The following SIK3 variants were observed in gnomAD, a reference collection of about 807,000 sequenced individuals.
SIK3 encodes the protein serine/threonine-protein kinase SIK3.
A neutral mutation model predicts 144.2 loss-of-function variants in SIK3; 28 were observed. The ratio of observed to expected loss-of-function variants is 0.19; its 90% CI spans 0.14 to 0.27. The LOEUF is 0.27. SIK3 is among the 10% of genes least tolerant of loss of function. SIK3 has a pLI of 1.00. For synonymous variants in SIK3, 686 were observed against 676.3 expected, an observed-to-expected ratio of 1.01 and a Z score of -0.22; for missense variants, 1,319 against 1,776.0, an observed-to-expected ratio of 0.74 and a Z score of 4.62.
At chr11:116,963,750 A>G (rs1949430089) in intron 1 of SIK3, among the ~76,000 whole-genome samples, 1 of 152,148 alleles carries the variant, frequency 6.6e-6, no homozygotes, top group Non-Finnish European at 1.5e-5. Flanking sequence ...TAGTCACTCA[A>G]TTTTCTTTTC....
rs780195282 is a variant in SIK3 at position 117,098,222 on chromosome 11, T to C, written c.194A>G (p.Tyr65Cys). The change falls in exon 1 of 25, where the codon TAC becomes TGC. Residue 65 changes from tyrosine (Y) to cysteine (C), a missense_variant. Tyr to Cys is a radical substitution (Grantham distance 194). This residue lies in a region of SIK3 where 114 missense variants were observed against 116.2 expected (regional missense o/e 0.98). Transcript: ENST00000445177. ...SRGPMPARIG[Y>C]YEIDRTIGKG... ...GCCGATGGTGCGGTCGATCTCGTAG[T>C]AGCCGATACGGGCGGGCATGGGTCC... 2.7e-6 allele frequency: 4 copies of C among 1,503,464 alleles called. No individual in the cohort carries two copies. Among genetic ancestry groups the C allele is most frequent in the East Asian group, 5.8e-5 (2 of 34,342 alleles). The allele number at this position is 1,503,464 out of a possible 1,614,324, so 93.1% of individuals were successfully genotyped here. A position where few individuals can be genotyped will look rare whatever the true frequency, so the allele number is the denominator to read the frequency against.
chr11:117,046,179 C>T (rs1375761982), intron 1 of SIK3, among the ~76,000 whole-genome samples: 1 of 152,194 alleles, frequency 6.6e-6, no homozygotes, highest in Non-Finnish European at 1.5e-5. Flanking sequence ...GCTAAACTAC[C>T]ACTCAAGGGT....
intron 1 of SIK3, among the ~76,000 whole-genome samples, chr11:117,043,944 T>C (rs982503158): frequency 1.3e-5 from 2 of 152,246 alleles, no homozygotes; most frequent in African/African-American, 4.8e-5. Context: ...TGCCCCAGTA[T>C]AGTTCTGACT....
chr11:116,910,738 G>A (rs1452569635), intron 4 of SIK3, among the ~76,000 whole-genome samples: 1 of 152,016 alleles, frequency 6.6e-6, no homozygotes, highest in East Asian at 1.9e-4. Flanking sequence ...GATGAAGAGT[G>A]CTAGCAGGCC....
chr11:116,858,543 G>A lies in SIK3; in HGVS notation c.2922C>T (p.Asp974=). 6.2e-7 allele frequency: 1 copy of A among 1,613,750 alleles called. No homozygotes were observed. The highest frequency in any genetic ancestry group is 8.5e-7 in the Non-Finnish European group (1 of 1,179,902). The change falls in exon 21 of 25, where the codon GAC becomes GAT. Residue 974 remains aspartate (D), a synonymous_variant. Coordinates refer to ENST00000445177, the MANE Select transcript of SIK3 (RefSeq NM_001366686.3). The surrounding 1 kb of genome is among the most constrained non-coding windows in gnomAD (Gnocchi z 5.4). ...CACTGGGAGGGAAGGTGGGGAATTG[G>A]TCAAGTGGAGGGACTTTCAGGGCTT... ...PTQALKVPPL[D]QFPTFPPSAH... is the part of the protein sequence containing the mutation.
intron 1 of SIK3, among the ~76,000 whole-genome samples, chr11:117,040,976 C>T (rs1351183948): frequency 7.7e-6 from 1 of 129,788 alleles, no homozygotes; most frequent in Admixed American, 8.4e-5. Flanking sequence ...TTAGCAAGGG[C>T]AACTAAAATC....
intron 14 of SIK3, chr11:116,870,110 T>A: frequency 6.6e-7 from 1 of 1,516,522 alleles, no homozygotes; most frequent in South Asian, 1.2e-5. Flanking sequence ...TGGTTATTGC[T>A]GTCACTTAGG....
intron 21 of SIK3, among the ~76,000 whole-genome samples, chr11:116,855,109 A>AAAAAAAC (rs1942796350): frequency 1.5e-5 from 2 of 135,724 alleles, no homozygotes; most frequent in African/African-American, 5.1e-5. Flanking sequence ...AAAAAAAAAA[A>AAAAAAAC]CTTGAGTTTT....
intron 1 of SIK3, among the ~76,000 whole-genome samples, chr11:117,003,435 A>G (rs1388677972): frequency 6.6e-6 from 1 of 152,218 alleles, no homozygotes; most frequent in Non-Finnish European, 1.5e-5. Flanking sequence ...AATGAGGGTA[A>G]TAAAAGTATG....
intron 1 of SIK3, among the ~76,000 whole-genome samples, chr11:117,019,283 G>A (rs1442121735): frequency 3.3e-5 from 5 of 152,052 alleles, no homozygotes; most frequent in African/African-American, 1.2e-4. Context: ...GCCTCCCAAA[G>A]TGCCAGGATT....
chr11:117,019,760 C>T (rs910786461), intron 1 of SIK3, among the ~76,000 whole-genome samples: 2 of 151,944 alleles, frequency 1.3e-5, no homozygotes, highest in East Asian at 1.9e-4. Context: ...ACTACAGGCG[C>T]GTGCCACCAC....
At chr11:117,068,076 TA>T (rs34302877) in intron 1 of SIK3, among the ~76,000 whole-genome samples, 1 of 152,176 alleles carries the variant, frequency 6.6e-6, no homozygotes, top group Non-Finnish European at 1.5e-5. Context: ...AAATTTATGT[TA>T]AAAAGAATGT....
intron 1 of SIK3, among the ~76,000 whole-genome samples, chr11:117,087,382 G>T (rs1328180277): frequency 2.0e-5 from 3 of 152,164 alleles, no homozygotes; most frequent in African/African-American, 7.2e-5. Flanking sequence ...GGCGGAGGTT[G>T]CAGTGAGCCG....
chr11:116,955,641 G>A (rs1299839622), intron 2 of SIK3, among the ~76,000 whole-genome samples: 4 of 152,132 alleles, frequency 2.6e-5, no homozygotes, highest in Non-Finnish European at 5.9e-5. Flanking sequence ...TATTTTAAAA[G>A]GTAAGGTCAA....
intron 1 of SIK3, among the ~76,000 whole-genome samples, chr11:117,066,348 G>A (rs760607875): frequency 2.7e-4 from 41 of 151,136 alleles, no homozygotes; most frequent in African/African-American, 9.0e-4. Context: ...GATTACAGGC[G>A]TGAGCCACCG....
In SIK3 at chr11:116,846,396, T is replaced by C. The variant is rs1941960041; in HGVS notation, c.4110A>G (p.Ter1370=). 1 of 1,613,880 alleles carries C rather than the reference T, an allele frequency of 6.2e-7. No homozygotes were observed. The highest frequency in any genetic ancestry group is 8.5e-7 in the Non-Finnish European group (1 of 1,179,974). Residue 1370 remains the stop codon, a stop_retained_variant, in exon 24 of 25, where the codon TAA becomes TAG. Transcript: ENST00000445177. This position sits in a 1 kb window ranked among gnomAD's most constrained non-coding sequence, Gnocchi z 4.1. ...VSFSMEQAGV[*] is the part of the protein sequence containing the mutation. ...GGTGACACTCACTCTCTGTTTCTTG[T>C]TACACGCCTGCCTGCTCCATGCTGA...
intron 13 of SIK3, among the ~76,000 whole-genome samples, chr11:116,872,778 A>G (rs182919572): frequency 4.7e-4 from 71 of 152,312 alleles, no homozygotes; most frequent in African/African-American, 1.4e-3. Context: ...GGATTAAAGG[A>G]GGGAAAAGGG....
chr11:117,064,030 T>C (rs1386850964), intron 1 of SIK3, among the ~76,000 whole-genome samples: 2 of 152,030 alleles, frequency 1.3e-5, no homozygotes, highest in Non-Finnish European at 2.9e-5. Context: ...ATGAATACAG[T>C]ATCAAAAACA....
intron 1 of SIK3, among the ~76,000 whole-genome samples, chr11:117,004,091 C>A (rs1298009166): frequency 6.6e-6 from 1 of 152,158 alleles, no homozygotes; most frequent in Non-Finnish European, 1.5e-5. Context: ...ATCATCTGAT[C>A]ATCCACTGAT....
Sources: gnomAD v4.1 joint callset for allele counts (sites outside exome capture counted in the v4.1 genomes callset) on GRCh38, gnomAD v4.1.1 for gene constraint, gnomAD v4.1.1 regional missense constraint, Gnocchi (gnomAD v3.1) non-coding constraint, MANE v1.5 for transcripts, NCBI Gene and HGNC (gene_info 2026-07-23, HGNC 2026-07-21) for gene names.